The following TAX1BP1 variants were observed in gnomAD, a reference collection of about 807,000 sequenced individuals.
TAX1BP1 encodes Tax1 binding protein 1, also known as tax1-binding protein 1.
In TAX1BP1, 62 loss-of-function variants were observed where a neutral mutation model predicts 97.7. The ratio of observed to expected loss-of-function variants is 0.63; its 90% CI spans 0.52 to 0.78. The LOEUF is 0.78. Among genes scored for constraint, TAX1BP1 ranks in the 30% least tolerant of loss-of-function variants. The pLI is 0.00. For missense variants in TAX1BP1, 867 were observed against 916.1 expected, an observed-to-expected ratio of 0.95 and a Z score of 0.69; for synonymous variants, 340 against 304.2, an observed-to-expected ratio of 1.12 and a Z score of -1.23.
At chr7:27,745,393 G>A (rs909390592) in intron 1 of TAX1BP1, among the ~76,000 whole-genome samples, 1 of 151,574 alleles carries the variant, frequency 6.6e-6, no homozygotes, top group Non-Finnish European at 1.5e-5. Flanking sequence ...TGAACCAGAG[G>A]AACTATGTGG....
At chr7:27,812,852 A>C (rs573658652) in intron 13 of TAX1BP1, among the ~76,000 whole-genome samples, 13 of 152,286 alleles carry the variant, frequency 8.5e-5, no homozygotes, top group African/African-American at 2.9e-4. Context: ...AGGGTCAGCA[A>C]ACTAAGGCCT....
rs747140420 is a variant in TAX1BP1, at chr7:27,792,090, A to G, written c.1123A>G (p.Lys375Glu). Reference protein sequence around the residue: ...ATRQEVVFLAKELSDAVNVRD... With the variant: ...ATRQEVVFLAEELSDAVNVRD... ...TCGGCAAGAAGTTGTCTTTCTGGCTAAAGAACTCAGTGATGCTGTCAACGT... is the reference window on the plus strand; with the variant it reads ...TCGGCAAGAAGTTGTCTTTCTGGCTGAAGAACTCAGTGATGCTGTCAACGT... Residue 375 changes from lysine to glutamate, a missense_variant, in exon 9 of 17, where the codon AAA (lysine) becomes GAA (glutamate). Lys to Glu is a moderately conservative substitution (Grantham distance 56). Coordinates refer to ENST00000396319, the MANE Select transcript of TAX1BP1 (RefSeq NM_006024.7). 20 of 1,614,010 alleles carry G rather than the reference A, an allele frequency of 1.2e-5. No homozygotes were observed. The highest frequency in any genetic ancestry group is 1.6e-4 in the Middle Eastern group (1 of 6,084).
At chr7:27,795,025 G>C (rs920604590) in intron 11 of TAX1BP1, among the ~76,000 whole-genome samples, 1 of 152,062 alleles carries the variant, frequency 6.6e-6, no homozygotes, top group African/African-American at 2.4e-5. Context: ...ATGAAAACTT[G>C]GATTAACTAG....
chr7:27,747,808 C>A (rs1157939902), intron 1 of TAX1BP1, among the ~76,000 whole-genome samples: 1 of 151,746 alleles, frequency 6.6e-6, no homozygotes, highest in Non-Finnish European at 1.5e-5. Flanking sequence ...CGTATACACA[C>A]CCACAGACAC....
rs1782598246 is a variant in TAX1BP1 at position 27,829,070 on chromosome 7, T to C, written c.*241T>C. ...AAAAAAAAGTTCTTGTGTGTTCGTA[T>C]CTTTATTTATTCCCTAGTTTGCAGA... On this transcript the variant is annotated 3_prime_UTR_variant, in exon 17 of 17. Coordinates refer to ENST00000396319, the MANE Select transcript of TAX1BP1 (RefSeq NM_006024.7). The C allele has an allele frequency of 2.6e-6, 1 of 382,834 alleles. No homozygotes were observed. The highest frequency in any genetic ancestry group is 4.6e-6 in the Non-Finnish European group (1 of 215,956). 23.7% of individuals were successfully genotyped at this position (382,834 alleles called of 1,614,324 possible).
rs1044832527 is a variant in TAX1BP1, at chr7:27,797,232, C to T, written c.1638+1013C>T. Among the ~76,000 whole-genome samples the T allele has an allele frequency of 5.9e-5, 9 of 151,940 alleles. No homozygotes were observed. In the East Asian group the frequency reaches 1.4e-3, roughly 23 times the overall value. ...TAGGATGGTCTCTATCTCCTGACCT[C>T]GTGATCCACTCGCCTCGGCCTGTCA... On this transcript the variant is annotated intron_variant, in intron 12 of 16. Coordinates refer to ENST00000396319, the MANE Select transcript of TAX1BP1 (RefSeq NM_006024.7).
At chr7:27,771,320 G>C (rs1227667488) in intron 5 of TAX1BP1, among the ~76,000 whole-genome samples, 1 of 148,962 alleles carries the variant, frequency 6.7e-6, no homozygotes, top group Non-Finnish European at 1.5e-5. Flanking sequence ...TCATGAAAAA[G>C]GCCCATTTCA....
rs562284528 is a variant in TAX1BP1, at chr7:27,818,919, A to G, written c.2085+1881A>G. On this transcript the variant is annotated intron_variant, in intron 15 of 16. Coordinates refer to ENST00000396319, the MANE Select transcript of TAX1BP1 (RefSeq NM_006024.7). ...AGGATTGAATCTCATGAGATTGGCTATAGAAGTTGTGGTCTTAGCCACCTG... is the reference window on the plus strand; with the variant it reads ...AGGATTGAATCTCATGAGATTGGCTGTAGAAGTTGTGGTCTTAGCCACCTG... Among the ~76,000 whole-genome samples the G allele has an allele frequency of 1.1e-4, 17 of 152,302 alleles. No individual in the cohort carries two copies. In the South Asian group the frequency reaches 2.9e-3, roughly 26 times the overall value.
rs778212709 is a variant in TAX1BP1 at position 27,769,697 on chromosome 7, A to G, written c.475A>G (p.Lys159Glu). Residue 159 changes from lysine (K) to glutamate (E), a missense_variant, in exon 5 of 17, where the codon AAA (lysine) becomes GAA (glutamate). Lys to Glu is a moderately conservative substitution (Grantham distance 56). Coordinates refer to ENST00000396319, the MANE Select transcript of TAX1BP1 (RefSeq NM_006024.7). ...ATAGTTGAAAATTGAGAAAACCATG[A>G]AAGAAAAAGAAGAACTGTTAAAGTT... ...LLELKIEKTM[K>E]EKEELLKLIA... 4 of 1,607,522 alleles carry G rather than the reference A, an allele frequency of 2.5e-6. No homozygotes were observed. Among genetic ancestry groups the G allele is most frequent in the Non-Finnish European group, 3.4e-6 (4 of 1,177,824 alleles).
At chr7:27,819,157 G>A (rs745545173) in intron 15 of TAX1BP1, among the ~76,000 whole-genome samples, 1 of 151,954 alleles carries the variant, frequency 6.6e-6, no homozygotes, top group Non-Finnish European at 1.5e-5. Flanking sequence ...TCAACCTGCT[G>A]TAAGTCCTTT....
At chr7:27,827,302 G>A (rs1305332986) in intron 15 of TAX1BP1, among the ~76,000 whole-genome samples, 6 of 151,540 alleles carry the variant, frequency 4.0e-5, no homozygotes, top group South Asian at 2.1e-4. Context: ...GCAGTCAGCC[G>A]AGATCGCGCC....
chr7:27,751,442 T>TTTG (rs1205316710), intron 2 of TAX1BP1, among the ~76,000 whole-genome samples: 3 of 152,194 alleles, frequency 2.0e-5, no homozygotes, highest in Non-Finnish European at 1.5e-5. Flanking sequence ...TATACACACA[T>TTTG]ACTACTGATG....
At chr7:27,766,997 C>G (rs994923761) in intron 4 of TAX1BP1, among the ~76,000 whole-genome samples, 3 of 152,136 alleles carry the variant, frequency 2.0e-5, no homozygotes, top group African/African-American at 7.2e-5. Context: ...GAGTCATGAT[C>G]ATGGCTTTAA....
At chr7:27,800,800 G>A (rs1164715109) in intron 13 of TAX1BP1, among the ~76,000 whole-genome samples, 1 of 152,016 alleles carries the variant, frequency 6.6e-6, no homozygotes, top group African/African-American at 2.4e-5. Flanking sequence ...AATGATAAAT[G>A]ATACTGTAAG....
intron 2 of TAX1BP1, among the ~76,000 whole-genome samples, chr7:27,750,728 T>C (rs936107194): frequency 3.9e-5 from 6 of 152,212 alleles, no homozygotes; most frequent in Admixed American, 6.5e-5. Context: ...ACTACTTGTT[T>C]ATTTCTTATA....
At chr7:27,786,510 A>T (rs1789487863) in intron 7 of TAX1BP1, among the ~76,000 whole-genome samples, 1 of 152,038 alleles carries the variant, frequency 6.6e-6, no homozygotes, top group African/African-American at 2.4e-5. Context: ...ATTGAGACTT[A>T]TTTTTTTAAG....
At chr7:27,758,396 AT>A (rs543280724) in intron 3 of TAX1BP1, 1,428 of 214,466 alleles carry the variant, frequency 6.7e-3, no homozygotes, top group Middle Eastern at 0.014. Context: ...ATTTTTGGAG[AT>A]TTTTTTTTTT....
At chr7:27,766,467 C>T (rs1342383059) in intron 4 of TAX1BP1, among the ~76,000 whole-genome samples, 2 of 96,836 alleles carry the variant, frequency 2.1e-5, no homozygotes, top group South Asian at 3.1e-4. Context: ...AAAAAAAAAT[C>T]GAATGCTTTT....
intron 13 of TAX1BP1, among the ~76,000 whole-genome samples, chr7:27,800,840 C>A (rs757760247): frequency 1.3e-5 from 2 of 152,140 alleles, no homozygotes; most frequent in African/African-American, 4.8e-5. Context: ...CATGATGGCT[C>A]ACGCCGGTAA....
Sources: allele counts gnomAD v4.1 joint callset (sites outside exome capture counted in the v4.1 genomes callset), GRCh38; gene constraint gnomAD v4.1.1; transcripts MANE v1.5; gene names NCBI Gene and HGNC (gene_info 2026-07-23, HGNC 2026-07-21).